Variants in TLN2 observed in about 807,000 individuals in gnomAD.
The protein encoded by TLN2 is talin-2.
A neutral mutation model predicts 294.7 loss-of-function variants in TLN2; 118 were observed. The ratio of observed to expected loss-of-function variants is 0.40; its 90% CI spans 0.34 to 0.47. The LOEUF is 0.47. Among genes scored for constraint, TLN2 ranks in the 20% least tolerant of loss-of-function variants. The probability of loss-of-function intolerance (pLI) is 0.84; values close to 1 mark genes in which losing one functional copy is unlikely to be tolerated. For synonymous variants in TLN2, 1,431 were observed against 1,304.5 expected (o/e 1.10, Z -2.09); for missense variants, 3,083 against 3,282.2 (o/e 0.94, Z 1.48).
chr15:62,594,883 ATGTT>A (rs2046357322), intron 2 of TLN2, among the ~76,000 whole-genome samples: 1 of 152,200 alleles, frequency 6.6e-6, no homozygotes, highest in South Asian at 2.1e-4. Context: ...ATGGGAGAAA[ATGTT>A]TGTAAATCAT....
At chr15:62,828,665 C>A in intron 54 of TLN2, 1 of 152,398 alleles carries the variant, frequency 6.6e-6, no homozygotes, top group Non-Finnish European at 1.5e-5. Flanking sequence ...GTGTATGCAT[C>A]TGTCCACCAG....
At chr15:62,705,087 T>G (rs2058972338) in intron 19 of TLN2, among the ~76,000 whole-genome samples, 1 of 152,252 alleles carries the variant, frequency 6.6e-6, no homozygotes, top group Non-Finnish European at 1.5e-5. Flanking sequence ...TAGCAGATTA[T>G]TTTCATTGTG....
intron 9 of TLN2, among the ~76,000 whole-genome samples, chr15:62,664,039 T>G (rs1471110446): frequency 2.0e-5 from 3 of 151,976 alleles, no homozygotes; most frequent in Non-Finnish European, 4.4e-5. Flanking sequence ...GTAAAGTAAT[T>G]AAAACACTAC....
intron 9 of TLN2, among the ~76,000 whole-genome samples, chr15:62,673,475 A>T (rs1041956650): frequency 6.6e-6 from 1 of 151,326 alleles, no homozygotes; most frequent in African/African-American, 2.4e-5. Flanking sequence ...ATTATTTTTT[A>T]AAAATACGTA....
chr15:62,449,691 C>T (rs1021020660), intron 1 of TLN2, among the ~76,000 whole-genome samples: 3 of 152,070 alleles, frequency 2.0e-5, no homozygotes, highest in Admixed American at 2.0e-4. Flanking sequence ...GGGAGGACTG[C>T]TTGAGCCCAA....
At chr15:62,703,104 A>T (rs1327242419) in intron 19 of TLN2, among the ~76,000 whole-genome samples, 2 of 140,912 alleles carry the variant, frequency 1.4e-5, no homozygotes, top group Non-Finnish European at 3.1e-5. Flanking sequence ...AGCTTTCCTG[A>T]TTTTTTTTTT....
At chr15:62,586,326 T>C (rs2045611538) in intron 1 of TLN2, among the ~76,000 whole-genome samples, 1 of 152,342 alleles carries the variant, frequency 6.6e-6, no homozygotes, top group African/African-American at 2.4e-5. Flanking sequence ...AGAGTGGTTC[T>C]TGTCCTTTGT....
At chr15:62,416,080 C>A (rs1422030079) in intron 1 of TLN2, among the ~76,000 whole-genome samples, 2 of 152,146 alleles carry the variant, frequency 1.3e-5, no homozygotes, top group Non-Finnish European at 2.9e-5. Context: ...GGGAAGATCG[C>A]TTGAACTCAG....
At chr15:62,569,135 T>G (rs570102846) in intron 1 of TLN2, among the ~76,000 whole-genome samples, 7 of 152,272 alleles carry the variant, frequency 4.6e-5, no homozygotes, top group African/African-American at 1.7e-4. Flanking sequence ...TTCTTTGTGT[T>G]TTTTCTCTGT....
intron 1 of TLN2, among the ~76,000 whole-genome samples, chr15:62,529,902 A>C (rs1254145531): frequency 6.6e-6 from 1 of 152,150 alleles, no homozygotes; most frequent in Non-Finnish European, 1.5e-5. Flanking sequence ...ATATTTTGTT[A>C]TTCTTAGGCC....
At chr15:62,414,817 C>T (rs72753826) in intron 1 of TLN2, among the ~76,000 whole-genome samples, 3,064 of 141,520 alleles carry the variant, frequency 0.022, 404 homozygotes, top group Non-Finnish European at 0.033. Context: ...CTACCTCCAA[C>T]TTGGCTCTAA....
intron 5 of TLN2, among the ~76,000 whole-genome samples, chr15:62,651,197 TTAG>T (rs368931530): frequency 7.5e-4 from 115 of 152,324 alleles, no homozygotes; most frequent in African/African-American, 2.6e-3. Flanking sequence ...CTAATTCTCC[TTAG>T]AGCAGATCAT....
At chr15:62,632,040 G>A (rs1289085517) in intron 3 of TLN2, among the ~76,000 whole-genome samples, 1 of 152,230 alleles carries the variant, frequency 6.6e-6, no homozygotes, top group East Asian at 1.9e-4. Flanking sequence ...TGGCTCCAAA[G>A]TCTCTGTGGG....
At chr15:62,640,234 G>T (rs538159111) in intron 3 of TLN2, 1 of 455,920 alleles carries the variant, frequency 2.2e-6, no homozygotes, top group Non-Finnish European at 4.4e-6. Flanking sequence ...TCTTTCTTTG[G>T]TGTTTCTTTG....
intron 11 of TLN2, among the ~76,000 whole-genome samples, chr15:62,680,773 CT>C (rs1386974144): frequency 6.6e-6 from 1 of 152,084 alleles, no homozygotes; most frequent in Admixed American, 6.5e-5. Context: ...CATTATACCC[CT>C]GTTTGCGTTT....
At chr15:62,625,986 T>C (rs1217265562) in intron 3 of TLN2, among the ~76,000 whole-genome samples, 1 of 152,162 alleles carries the variant, frequency 6.6e-6, no homozygotes, top group Non-Finnish European at 1.5e-5. Context: ...CCTCAAACAC[T>C]AGGCAGATGC....
chr15:62,673,766 G>A (rs2141006744), intron 9 of TLN2, 61 bp from the exon 10 acceptor site: 4 of 1,339,544 alleles, frequency 3.0e-6, no homozygotes, highest in African/African-American at 1.5e-5. Context: ...AAATGTCTTT[G>A]CTTTGCTTCT....
chr15:62,517,673 G>A (rs886650149), intron 1 of TLN2, among the ~76,000 whole-genome samples: 1 of 152,122 alleles, frequency 6.6e-6, no homozygotes, highest in Non-Finnish European at 1.5e-5. Flanking sequence ...CAAACACACC[G>A]CTAATGTTAT....
At chr15:62,512,489 T>G (rs760847090) in intron 1 of TLN2, among the ~76,000 whole-genome samples, 15 of 152,232 alleles carry the variant, frequency 9.9e-5, no homozygotes, top group Non-Finnish European at 2.1e-4. Context: ...TAGAGGCTAC[T>G]CATAACTAAA....
Sources: allele counts gnomAD v4.1 joint callset (sites outside exome capture counted in the v4.1 genomes callset), GRCh38; gene constraint gnomAD v4.1.1; transcripts MANE v1.5; gene names NCBI Gene and HGNC (gene_info 2026-07-23, HGNC 2026-07-21).